The following TNRC6A variants were observed in gnomAD, a reference collection of about 807,000 sequenced individuals.
TNRC6A encodes trinucleotide repeat containing adaptor 6A, also known as trinucleotide repeat-containing gene 6A protein.
TNRC6A carries 44 observed loss-of-function variants against 221.2 expected under a neutral mutation model. That is an observed-to-expected ratio of 0.20 (90% CI 0.16 to 0.26). The LOEUF is 0.26. TNRC6A is among the 10% of genes least tolerant of loss of function. The probability of loss-of-function intolerance (pLI) is 1.00; values close to 1 mark genes in which losing one functional copy is unlikely to be tolerated. For synonymous variants in TNRC6A, 847 were observed against 838.5 expected, an observed-to-expected ratio of 1.01 and a Z score of -0.18; for missense variants, 2,199 against 2,404.4, an observed-to-expected ratio of 0.91 and a Z score of 1.79.
chr16:24,694,891 C>T (rs1305282132), intron 2 of TNRC6A, among the ~76,000 whole-genome samples: 1 of 152,102 alleles, frequency 6.6e-6, no homozygotes, highest in African/African-American at 2.4e-5. Context: ...TATGATCACA[C>T]GACTGCACTC....
chr16:24,760,920 G>A (rs1282189370), intron 4 of TNRC6A, among the ~76,000 whole-genome samples: 1 of 152,078 alleles, frequency 6.6e-6, no homozygotes. Context: ...TCCATTCTAG[G>A]ATCCGATGCG....
chr16:24,723,876 T>C (rs919509150), intron 2 of TNRC6A, among the ~76,000 whole-genome samples: 2 of 152,228 alleles, frequency 1.3e-5, no homozygotes, highest in Admixed American at 6.5e-5. Flanking sequence ...CTACAGTTCT[T>C]GATGTGTGAG....
intron 4 of TNRC6A, among the ~76,000 whole-genome samples, chr16:24,768,255 C>T (rs1054630461): frequency 1.3e-5 from 2 of 151,948 alleles, no homozygotes; most frequent in Non-Finnish European, 2.9e-5. Flanking sequence ...CACGGTGAAA[C>T]CCCGTCTCTA....
At position 24,798,038 on chromosome 16, in the gene TNRC6A, A is replaced by G. The variant is rs1596753850; in HGVS notation, c.3694+72A>G. Reference sequence around the variant, plus strand: ...ACATCCATGACATGATTCTACTGAAAGAGCCCTGACGTAGATCAGGACAGG... The same window carrying G: ...ACATCCATGACATGATTCTACTGAAGGAGCCCTGACGTAGATCAGGACAGG... On this transcript the variant is annotated intron_variant, in intron 11 of 24. Coordinates refer to ENST00000395799, the MANE Select transcript of TNRC6A (RefSeq NM_014494.4). 11 of 1,391,990 alleles carry G rather than the reference A, an allele frequency of 7.9e-6. No homozygotes were observed. In the East Asian group the frequency reaches 2.3e-4, roughly 30 times the overall value. The allele number at this position is 1,391,990 out of a possible 1,614,324, so 86.2% of individuals were successfully genotyped here.
At chr16:24,722,986 G>A (rs2056436607) in intron 2 of TNRC6A, among the ~76,000 whole-genome samples, 1 of 152,106 alleles carries the variant, frequency 6.6e-6, no homozygotes. Context: ...CCGACTTGGG[G>A]GAAAACTGGG....
chr16:24,622,108 C>CT (rs397855382), intron 1 of TNRC6A, among the ~76,000 whole-genome samples: 7 of 151,990 alleles, frequency 4.6e-5, no homozygotes, highest in Non-Finnish European at 1.0e-4. Flanking sequence ...TGTTTTTTCC[C>CT]GAACCAAGTA....
chr16:24,782,601 G>T (rs1229751686), intron 5 of TNRC6A, among the ~76,000 whole-genome samples: 1 of 152,196 alleles, frequency 6.6e-6, no homozygotes, highest in Non-Finnish European at 1.5e-5. Context: ...TTTGAGGCCG[G>T]GCGTGGTGGC....
intron 1 of TNRC6A, among the ~76,000 whole-genome samples, chr16:24,626,415 G>A (rs1218760794): frequency 6.6e-6 from 1 of 152,054 alleles, no homozygotes; most frequent in African/African-American, 2.4e-5. Context: ...ATGACTCATT[G>A]CAATGTATCT....
At chr16:24,770,045 G>A (rs1437246974) in intron 4 of TNRC6A, among the ~76,000 whole-genome samples, 2 of 152,172 alleles carry the variant, frequency 1.3e-5, no homozygotes, top group Non-Finnish European at 2.9e-5. Context: ...GGGCAATCTG[G>A]TTGTCATAAC....
At chr16:24,797,387 A>G (rs757073952) in intron 9 of TNRC6A, 103 bp from the exon 10 acceptor site, 1 of 783,604 alleles carries the variant, frequency 1.3e-6, no homozygotes, top group Admixed American at 3.1e-5. Flanking sequence ...ATTATTGGCT[A>G]AAAATGAGAA....
chr16:24,633,273 A>G (rs1004441844), intron 1 of TNRC6A, among the ~76,000 whole-genome samples: 4 of 152,148 alleles, frequency 2.6e-5, no homozygotes, highest in Non-Finnish European at 5.9e-5. Context: ...CTCTTCAGAG[A>G]GGCCTTCAAT....
At chr16:24,750,608 AAAT>A in intron 2 of TNRC6A, 115 bp from the exon 3 acceptor site, 1 of 1,233,746 alleles carries the variant, frequency 8.1e-7, no homozygotes, top group South Asian at 2.5e-5. Flanking sequence ...ATGAATGATA[AAAT>A]AATAATTTGC....
At chr16:24,674,204 G>A (rs767078375) in intron 2 of TNRC6A, among the ~76,000 whole-genome samples, 7 of 152,060 alleles carry the variant, frequency 4.6e-5, no homozygotes, top group Non-Finnish European at 1.0e-4. Flanking sequence ...TGAGTAGCTG[G>A]AACTACAGGC....
intron 13 of TNRC6A, 52 bp from the exon 14 acceptor site, chr16:24,804,962 A>G (rs572489015): frequency 1.2e-6 from 2 of 1,613,928 alleles, no homozygotes; most frequent in African/African-American, 1.3e-5. Flanking sequence ...TGGTAATGAG[A>G]TGTTTGTCCC....
chr16:24,812,900 T>TG (rs1310498696), intron 18 of TNRC6A, among the ~76,000 whole-genome samples: 2 of 149,186 alleles, frequency 1.3e-5, no homozygotes, highest in Admixed American at 6.7e-5. Flanking sequence ...TTTTTTTTTT[T>TG]TTGAGACCCC....
chr16:24,763,400 AGT>A (rs962378014), intron 4 of TNRC6A, among the ~76,000 whole-genome samples: 4 of 152,198 alleles, frequency 2.6e-5, no homozygotes, highest in African/African-American at 9.7e-5. Flanking sequence ...CATAGCACAC[AGT>A]TTAGCCTCTA....
In TNRC6A at chr16:24,706,584, C is replaced by T. The variant is rs539343435; in HGVS notation, n.403-44142C>T. Among the ~76,000 whole-genome samples the T allele has an allele frequency of 2.0e-5, 3 of 149,794 alleles. No homozygotes were observed. In the South Asian group the frequency reaches 6.4e-4, roughly 32 times the overall value. On this transcript the variant is annotated intron_variant and non_coding_transcript_variant, in intron 2 of 2. Coordinates refer to the TNRC6A transcript ENST00000566108. ...AAATAAAATTAGCCGGGCGTAGTGG[C>T]GGGCGCCTGAAGCAGGAGAATGGCG...
intron 2 of TNRC6A, chr16:24,661,759 A>G (rs1478973371): frequency 6.6e-6 from 1 of 152,162 alleles, no homozygotes; most frequent in African/African-American, 2.4e-5. Flanking sequence ...TAAATGTGTC[A>G]CACTTTACCA....
chr16:24,703,672 A>T (rs1193629931), intron 2 of TNRC6A, among the ~76,000 whole-genome samples: 2 of 152,228 alleles, frequency 1.3e-5, no homozygotes, highest in African/African-American at 4.8e-5. Context: ...TTTCCCTATT[A>T]TGAATAAAAC....
Sources: gnomAD v4.1 joint callset for allele counts (sites outside exome capture counted in the v4.1 genomes callset) on GRCh38, gnomAD v4.1.1 for gene constraint, MANE v1.5 for transcripts, NCBI Gene and HGNC (gene_info 2026-07-23, HGNC 2026-07-21) for gene names.